The following UBASH3B variants were observed in gnomAD, a reference collection of about 807,000 sequenced individuals.
UBASH3B encodes the protein ubiquitin associated and SH3 domain containing B, also known as ubiquitin-associated and SH3 domain-containing protein B.
Under a neutral mutation model 83.4 loss-of-function variants are expected in UBASH3B, and 37 were observed. The ratio of observed to expected loss-of-function variants is 0.44; its 90% CI spans 0.34 to 0.58. UBASH3B has a LOEUF of 0.58. Ranked by LOEUF, UBASH3B falls within the 20% of genes least tolerant of loss-of-function variation. The pLI is 0.01. For synonymous variants in UBASH3B, 304 were observed against 318.3 expected (o/e 0.96, Z 0.48); for missense variants, 657 against 827.2 (o/e 0.79, Z 2.52).
intron 1 of UBASH3B, among the ~76,000 whole-genome samples, chr11:122,692,361 GTA>G (rs1863907100): frequency 6.6e-6 from 1 of 152,126 alleles, no homozygotes; most frequent in Non-Finnish European, 1.5e-5. Flanking sequence ...TCTTGAGACA[GTA>G]TTTAATATCT....
At chr11:122,701,663 A>G (rs76755046) in intron 1 of UBASH3B, among the ~76,000 whole-genome samples, 11,275 of 152,034 alleles carry the variant, frequency 0.074, 517 homozygotes, top group Middle Eastern at 0.12. Flanking sequence ...TGAAGGAACT[A>G]AGAGTATTCA....
intron 1 of UBASH3B, among the ~76,000 whole-genome samples, chr11:122,678,390 G>A (rs1863693972): frequency 6.6e-6 from 1 of 152,148 alleles, no homozygotes; most frequent in South Asian, 2.1e-4. Flanking sequence ...ACTCAGCCTA[G>A]ATCTGTCTGG....
intron 3 of UBASH3B, among the ~76,000 whole-genome samples, chr11:122,777,877 A>G (rs781102701): frequency 4.6e-5 from 7 of 151,896 alleles, no homozygotes; most frequent in African/African-American, 7.3e-5. Context: ...TTACAGGCAT[A>G]TGCCACCATG....
At chr11:122,718,408 G>T (rs1860562899) in intron 1 of UBASH3B, among the ~76,000 whole-genome samples, 1 of 152,114 alleles carries the variant, frequency 6.6e-6, no homozygotes, top group Non-Finnish European at 1.5e-5. Flanking sequence ...ATATTATTGG[G>T]CAGACTTGTG....
At chr11:122,784,807 T>G (rs1392990893) in intron 5 of UBASH3B, among the ~76,000 whole-genome samples, 1 of 152,186 alleles carries the variant, frequency 6.6e-6, no homozygotes, top group East Asian at 1.9e-4. Context: ...TTTGTCTGAC[T>G]CTGCTGATGG....
intron 1 of UBASH3B, among the ~76,000 whole-genome samples, chr11:122,725,170 A>G (rs1257555632): frequency 6.6e-6 from 1 of 151,224 alleles, no homozygotes; most frequent in East Asian, 2.0e-4. Context: ...GGGTTTCACC[A>G]TGTTGGCCAG....
chr11:122,732,257 G>A (rs1860856259), intron 1 of UBASH3B, among the ~76,000 whole-genome samples: 2 of 152,174 alleles, frequency 1.3e-5, no homozygotes, highest in African/African-American at 4.8e-5. Context: ...GCAGACCACA[G>A]GAGAACAGAC....
At chr11:122,657,915 G>A (rs1260515770) in intron 1 of UBASH3B, among the ~76,000 whole-genome samples, 1 of 152,014 alleles carries the variant, frequency 6.6e-6, no homozygotes, top group African/African-American at 2.4e-5. Flanking sequence ...GGTGGGGCTG[G>A]GTGTAACCCC....
At chr11:122,801,074 C>G in intron 10 of UBASH3B, 114 bp from the exon 11 acceptor site, 1 of 1,289,984 alleles carries the variant, frequency 7.8e-7, no homozygotes, top group Non-Finnish European at 1.1e-6. Flanking sequence ...TTCTGTTTAG[C>G]TATATATAGC....
In UBASH3B at chr11:122,655,871, C is replaced by A; in HGVS notation, c.-179C>A. 1.5e-6 allele frequency: 1 copy of A among 664,752 alleles called. No individual in the cohort carries two copies. The highest frequency in any genetic ancestry group is 2.3e-6 in the Non-Finnish European group (1 of 432,040). The allele number at this position is 664,752 out of a possible 1,614,324, so 41.2% of individuals were successfully genotyped here. Reference sequence around the variant, plus strand: ...TTGCCGGCGTTCTGGCTCCTGTGGCCTCACCAGGAAGCGTCAGAGTCCCGA... The same window carrying A: ...TTGCCGGCGTTCTGGCTCCTGTGGCATCACCAGGAAGCGTCAGAGTCCCGA... On this transcript the variant is annotated 5_prime_UTR_variant, in exon 1 of 14. Transcript: ENST00000284273.
intron 1 of UBASH3B, among the ~76,000 whole-genome samples, chr11:122,768,982 A>G (rs1039728600): frequency 6.6e-6 from 1 of 152,316 alleles, no homozygotes; most frequent in Admixed American, 6.5e-5. Context: ...AGGTGCATGG[A>G]GGTTTCTAAC....
chr11:122,686,090 TA>T (rs1254082386), intron 1 of UBASH3B, among the ~76,000 whole-genome samples: 1 of 152,098 alleles, frequency 6.6e-6, no homozygotes, highest in African/African-American at 2.4e-5. Context: ...AAATAAAGAC[TA>T]AAAAGAGCAG....
At chr11:122,774,057 T>G (rs1860692233) in intron 1 of UBASH3B, 1 of 984,324 alleles carries the variant, frequency 1.0e-6, no homozygotes, top group Non-Finnish European at 1.2e-6. Flanking sequence ...GCTTCTGTAC[T>G]GAAAAAAAAA....
At position 122,812,157 on chromosome 11, in the gene UBASH3B, A is replaced by G. The variant is rs956073121; in HGVS notation, c.*2271A>G. ...CACTGCCTTAGGCAATGGTCTATAT[A>G]AGCAAAAGGAGATAGAGATCTGAAA... On this transcript the variant is annotated 3_prime_UTR_variant, in exon 14 of 14. Transcript: ENST00000284273. 2.6e-5 allele frequency: 4 copies of G among 152,250 alleles called. No individual in the cohort carries two copies. Among genetic ancestry groups the G allele is most frequent in the Admixed American group, 6.5e-5 (1 of 15,284 alleles). The allele number at this position is 152,250 out of a possible 1,614,324, so 9.4% of individuals were successfully genotyped here. A position where few individuals can be genotyped will look rare whatever the true frequency, so the allele number is the denominator to read the frequency against.
At position 122,758,972 on chromosome 11, in the gene UBASH3B, C is replaced by T. The variant is rs926739213; in HGVS notation, c.162-17247C>T. 1.2e-4 allele frequency among the ~76,000 whole-genome samples: 19 copies of T among 152,142 alleles called. No individual in the cohort carries two copies. Among genetic ancestry groups the T allele is most frequent in the Admixed American group, 3.9e-4 (6 of 15,270 alleles). ...TGTTTTCACTTTTTATGACTCAGCACTCTAACTTTAGTGGCTTAAAACACA... is the reference window on the plus strand; with the variant it reads ...TGTTTTCACTTTTTATGACTCAGCATTCTAACTTTAGTGGCTTAAAACACA... On this transcript the variant is annotated intron_variant, in intron 1 of 13. Coordinates refer to ENST00000284273, the MANE Select transcript of UBASH3B (RefSeq NM_032873.5). The surrounding 1 kb of genome is among the most constrained non-coding windows in gnomAD (Gnocchi z 4.2).
intron 1 of UBASH3B, among the ~76,000 whole-genome samples, chr11:122,702,755 C>G (rs1226167313): frequency 1.3e-5 from 2 of 151,904 alleles, no homozygotes. Context: ...TAACTCCTGA[C>G]GTCAGGTGAT....
At chr11:122,782,857 AG>A in intron 4 of UBASH3B, 195 bp from the exon 5 acceptor site, 1 of 644,570 alleles carries the variant, frequency 1.6e-6, no homozygotes, top group South Asian at 2.0e-5. Flanking sequence ...TCTCTTGAAC[AG>A]TGGCTTGATT....
chr11:122,769,636 A>G (rs1400243231), intron 1 of UBASH3B, among the ~76,000 whole-genome samples: 5 of 152,244 alleles, frequency 3.3e-5, no homozygotes, highest in African/African-American at 1.2e-4. Flanking sequence ...CAGTTCACAG[A>G]GCACAACAAA....
At chr11:122,711,157 G>T (rs1236407405) in intron 1 of UBASH3B, among the ~76,000 whole-genome samples, 1 of 152,164 alleles carries the variant, frequency 6.6e-6, no homozygotes, top group Non-Finnish European at 1.5e-5. Flanking sequence ...CTCCAGAAGA[G>T]AGCCCCCACC....
Sources: gnomAD v4.1 joint callset for allele counts (sites outside exome capture counted in the v4.1 genomes callset) on GRCh38, gnomAD v4.1.1 for gene constraint, Gnocchi (gnomAD v3.1) non-coding constraint, MANE v1.5 for transcripts, NCBI Gene and HGNC (gene_info 2026-07-23, HGNC 2026-07-21) for gene names.